Variants in DOK5 observed in about 807,000 individuals in gnomAD.
DOK5 encodes the protein docking protein 5.
In DOK5, 27 loss-of-function variants were observed where a neutral mutation model predicts 43.3. That is an observed-to-expected ratio of 0.62 (90% confidence interval 0.46 to 0.86). DOK5 has a LOEUF of 0.86. DOK5 is among the 40% of genes least tolerant of loss of function. The pLI, the probability that DOK5 is intolerant of heterozygous loss-of-function variation, is 0.00. For missense variants in DOK5, 373 were observed against 392.9 expected (o/e 0.95, Z 0.43); for synonymous variants, 146 against 140.1 (o/e 1.04, Z -0.30).
At chr20:54,643,766 G>T (rs1979241208) in intron 7 of DOK5, among the ~76,000 whole-genome samples, 188 bp downstream of exon 7, 1 of 152,196 alleles carries the variant, frequency 6.6e-6, no homozygotes, top group African/African-American at 2.4e-5. Context: ...TATGGCTCTA[G>T]AGATATTTGT....
chr20:54,623,036 G>A (rs1161930674), intron 6 of DOK5, among the ~76,000 whole-genome samples: 2 of 152,136 alleles, frequency 1.3e-5, no homozygotes, highest in Non-Finnish European at 2.9e-5. Context: ...CAGCCCCAGT[G>A]AAGAGTTATG....
intron 5 of DOK5, among the ~76,000 whole-genome samples, chr20:54,608,468 G>A (rs1271949475): frequency 6.6e-6 from 1 of 152,172 alleles, no homozygotes. Flanking sequence ...GGAAGAGGAA[G>A]TAGAAAGGGT....
chr20:54,507,674 C>T (rs369793072), intron 1 of DOK5, among the ~76,000 whole-genome samples: 55 of 152,232 alleles, frequency 3.6e-4, no homozygotes, highest in African/African-American at 1.2e-3. Flanking sequence ...GATCTTATGA[C>T]AGGAAGGACC....
At chr20:54,563,364 T>C (rs1188811561) in intron 2 of DOK5, among the ~76,000 whole-genome samples, 1 of 152,244 alleles carries the variant, frequency 6.6e-6, no homozygotes, top group Non-Finnish European at 1.5e-5. Context: ...ATGATGTGTT[T>C]ATAACTTTGT....
intron 6 of DOK5, among the ~76,000 whole-genome samples, chr20:54,641,509 A>T (rs1979112033): frequency 6.6e-6 from 1 of 151,590 alleles, no homozygotes. Flanking sequence ...TTAAAAAAAA[A>T]ATCCTAACAT....
At chr20:54,559,061 T>C (rs2146734011) in intron 2 of DOK5, among the ~76,000 whole-genome samples, 1 of 152,332 alleles carries the variant, frequency 6.6e-6, no homozygotes, top group Non-Finnish European at 1.5e-5. Flanking sequence ...TTAACTGTAA[T>C]TCCCACAATA....
intron 5 of DOK5, among the ~76,000 whole-genome samples, chr20:54,592,777 G>A (rs1048792967): frequency 5.9e-5 from 9 of 152,098 alleles, no homozygotes; most frequent in Admixed American, 2.0e-4. Flanking sequence ...TCCTGACCTC[G>A]CGCTTCGGCC....
intron 1 of DOK5, among the ~76,000 whole-genome samples, chr20:54,499,070 A>G (rs1982500536): frequency 6.6e-6 from 1 of 152,202 alleles, no homozygotes; most frequent in Non-Finnish European, 1.5e-5. Flanking sequence ...GGATCAGAGC[A>G]CTGTCAAAGC....
intron 1 of DOK5, among the ~76,000 whole-genome samples, chr20:54,518,294 G>T (rs1428617016): frequency 6.6e-6 from 1 of 151,478 alleles, no homozygotes; most frequent in East Asian, 2.0e-4. Context: ...CCCACAACAG[G>T]ACCCAGTGTG....
intron 1 of DOK5, among the ~76,000 whole-genome samples, chr20:54,481,228 G>T (rs1002485142): frequency 5.3e-5 from 8 of 151,728 alleles, no homozygotes; most frequent in Admixed American, 3.3e-4. Context: ...GGAGTGTAGT[G>T]GCGTGATCTC....
chr20:54,602,796 C>T (rs1051479995), intron 5 of DOK5, among the ~76,000 whole-genome samples: 2 of 152,056 alleles, frequency 1.3e-5, no homozygotes, highest in Non-Finnish European at 2.9e-5. Context: ...ACCTCAGCCT[C>T]CCGAGTAGCT....
At chr20:54,484,850 A>C (rs904826997) in intron 1 of DOK5, among the ~76,000 whole-genome samples, 13 of 151,502 alleles carry the variant, frequency 8.6e-5, no homozygotes, top group Non-Finnish European at 1.9e-4. Context: ...CTGTCTCTAC[A>C]AAAAATAAAA....
At chr20:54,620,546 T>C (rs751848158) in intron 6 of DOK5, among the ~76,000 whole-genome samples, 4 of 152,188 alleles carry the variant, frequency 2.6e-5, no homozygotes, top group Admixed American at 6.5e-5. Flanking sequence ...GCATTTGTTT[T>C]CATCTTTAAA....
intron 2 of DOK5, among the ~76,000 whole-genome samples, chr20:54,569,831 C>T (rs1345564208): frequency 3.3e-5 from 5 of 152,202 alleles, no homozygotes; most frequent in Non-Finnish European, 7.3e-5. Flanking sequence ...ATAACTCAGA[C>T]AGGCGCTAGT....
intron 1 of DOK5, among the ~76,000 whole-genome samples, chr20:54,482,988 C>T (rs866933761): frequency 3.2e-4 from 48 of 152,236 alleles, no homozygotes; most frequent in African/African-American, 7.2e-4. Context: ...TCAGCTGGGA[C>T]GACTCAGTTA....
intron 1 of DOK5, among the ~76,000 whole-genome samples, chr20:54,509,085 A>G (rs1252985640): frequency 1.3e-5 from 2 of 152,146 alleles, no homozygotes; most frequent in Non-Finnish European, 2.9e-5. Flanking sequence ...CATGTTGGCC[A>G]GGCCGGTCTT....
chr20:54,604,400 C>G (rs541796908), intron 5 of DOK5, among the ~76,000 whole-genome samples: 1 of 151,796 alleles, frequency 6.6e-6, no homozygotes, highest in East Asian at 1.9e-4. Context: ...ATTTTCCCAA[C>G]GCTGACACCC....
intron 1 of DOK5, among the ~76,000 whole-genome samples, chr20:54,541,494 G>A (rs1984156774): frequency 6.6e-6 from 1 of 152,046 alleles, no homozygotes; most frequent in African/African-American, 2.4e-5. Flanking sequence ...GGAGTGCAGT[G>A]GTGCAATCTC....
At chr20:54,628,297 T>G in intron 6 of DOK5, among the ~76,000 whole-genome samples, 1 of 151,306 alleles carries the variant, frequency 6.6e-6, no homozygotes, top group Non-Finnish European at 1.5e-5. Context: ...TAGTCCCAGC[T>G]ACTCTGGAGG....
Sources: gnomAD v4.1 joint callset for allele counts (sites outside exome capture counted in the v4.1 genomes callset) on GRCh38, gnomAD v4.1.1 for gene constraint, MANE v1.5 for transcripts, NCBI Gene and HGNC (gene_info 2026-07-23, HGNC 2026-07-21) for gene names.